The following FSTL5 variants were observed in gnomAD, a reference collection of about 807,000 sequenced individuals.
FSTL5 encodes the protein follistatin like 5, also known as follistatin-related protein 5.
Under a neutral mutation model 89.1 loss-of-function variants are expected in FSTL5, and 62 were observed. The observed-to-expected ratio is 0.70, with a 90% CI of 0.57 to 0.86. The LOEUF (loss-of-function observed/expected upper bound fraction) is 0.86, where lower values mean the gene tolerates loss of function less well. Ranked by LOEUF, FSTL5 falls within the 40% of genes least tolerant of loss-of-function variation. The pLI, the probability that FSTL5 is intolerant of heterozygous loss-of-function variation, is 0.00. For synonymous variants in FSTL5, 383 were observed against 346.2 expected (o/e 1.11, Z -1.18); for missense variants, 1,057 against 1,001.6 (o/e 1.06, Z -0.75).
intron 6 of FSTL5, among the ~76,000 whole-genome samples, chr4:161,699,462 T>C (rs1738298173): frequency 6.6e-6 from 1 of 152,178 alleles, no homozygotes; most frequent in East Asian, 1.9e-4. Context: ...GCGACTTCCA[T>C]TCCTTGTATT....
At chr4:161,718,254 G>C (rs28436266) in intron 6 of FSTL5, among the ~76,000 whole-genome samples, 28,850 of 152,078 alleles carry the variant, frequency 0.19, 2,882 homozygotes, top group Middle Eastern at 0.28. Context: ...TGAAGTCTAA[G>C]AGATAGCTTT....
intron 2 of FSTL5, among the ~76,000 whole-genome samples, chr4:162,096,314 C>G (rs940895691): frequency 9.9e-5 from 15 of 151,694 alleles, no homozygotes; most frequent in African/African-American, 3.4e-4. Flanking sequence ...ATCCTAAGAC[C>G]AATCATCCAA....
chr4:161,480,110 T>C (rs553005117), intron 13 of FSTL5, among the ~76,000 whole-genome samples: 1 of 152,300 alleles, frequency 6.6e-6, no homozygotes, highest in Non-Finnish European at 1.5e-5. Context: ...GAAAACATTC[T>C]CTGTAAATGA....
intron 2 of FSTL5, chr4:162,042,141 A>C (rs1050163188): frequency 1.3e-5 from 2 of 151,590 alleles, no homozygotes; most frequent in Admixed American, 6.6e-5. Flanking sequence ...TAAGAGCAAA[A>C]CTTCATCTCA....
chr4:161,780,913 C>A (rs983193099), intron 4 of FSTL5, among the ~76,000 whole-genome samples: 1 of 152,084 alleles, frequency 6.6e-6, no homozygotes, highest in African/African-American at 2.4e-5. Context: ...TAAAAAGTAC[C>A]AATTCCCTTC....
rs150036985 is a variant in FSTL5 at position 162,130,684 on chromosome 4, C to T, written c.-16-19272G>A. ...TTCTGAGTGATTACCTTATTTGAGG[C>T]TCTATATTACATAGCTTATATGAAT... On this transcript the variant is annotated intron_variant, in intron 1 of 15. Coordinates refer to ENST00000306100, the MANE Select transcript of FSTL5 (RefSeq NM_020116.5). Among the ~76,000 whole-genome samples, 194 of 152,080 alleles carry T rather than the reference C, an allele frequency of 1.3e-3. 1 individual carries two copies. Among genetic ancestry groups the T allele is most frequent in the African/African-American group, 4.4e-3 (181 of 41,480 alleles).
intron 3 of FSTL5, among the ~76,000 whole-genome samples, chr4:161,964,433 A>C (rs1438185913): frequency 2.0e-5 from 3 of 152,072 alleles, no homozygotes; most frequent in African/African-American, 7.2e-5. Context: ...TCCTTTCAAA[A>C]TCACATAGTG....
chr4:161,581,565 G>T (rs34837397), intron 8 of FSTL5, among the ~76,000 whole-genome samples: 25,205 of 152,136 alleles, frequency 0.17, 2,188 homozygotes, highest in South Asian at 0.22. Context: ...TGTTGCCCCA[G>T]ACTTAAGCTG....
intron 8 of FSTL5, among the ~76,000 whole-genome samples, chr4:161,583,343 T>C (rs909242014): frequency 6.6e-5 from 10 of 152,186 alleles, no homozygotes; most frequent in Admixed American, 6.6e-4. Context: ...GGGTAGAAAC[T>C]GTGTGCTAAT....
At chr4:161,424,092 T>C (rs1463922508) in intron 15 of FSTL5, among the ~76,000 whole-genome samples, 1 of 139,166 alleles carries the variant, frequency 7.2e-6, no homozygotes, top group Non-Finnish European at 1.5e-5. Context: ...TTGGCCAGGA[T>C]GGTCTCGATC....
intron 4 of FSTL5, among the ~76,000 whole-genome samples, chr4:161,854,488 T>A (rs1161215412): frequency 1.3e-5 from 2 of 152,156 alleles, no homozygotes; most frequent in Non-Finnish European, 2.9e-5. Context: ...ATTACATATA[T>A]CTTCACCAGC....
intron 3 of FSTL5, among the ~76,000 whole-genome samples, chr4:161,980,146 G>A (rs1735777759): frequency 7.4e-6 from 1 of 134,818 alleles, no homozygotes; most frequent in South Asian, 2.3e-4. Flanking sequence ...GAGAAAAGAA[G>A]GATAAAGATA....
intron 3 of FSTL5, among the ~76,000 whole-genome samples, chr4:161,967,094 T>C (rs1025284659): frequency 1.1e-4 from 17 of 150,240 alleles, no homozygotes; most frequent in African/African-American, 3.9e-4. Context: ...AAAAAAAAAC[T>C]GTTTCATAAA....
intron 10 of FSTL5, among the ~76,000 whole-genome samples, chr4:161,515,207 C>G (rs1441180178): frequency 2.0e-5 from 3 of 151,326 alleles, no homozygotes; most frequent in Non-Finnish European, 4.4e-5. Context: ...TTGTTTGTTT[C>G]TTTGTTTGTT....
intron 15 of FSTL5, among the ~76,000 whole-genome samples, chr4:161,434,274 T>A (rs1732480539): frequency 6.6e-6 from 1 of 152,074 alleles, no homozygotes; most frequent in South Asian, 2.1e-4. Flanking sequence ...AAAGTCATTT[T>A]CAACAAAGGT....
At position 162,106,507 on chromosome 4, in the gene FSTL5, C is replaced by T. The variant is rs148506272; in HGVS notation, c.126+4764G>A. On this transcript the variant is annotated intron_variant, in intron 2 of 15. Coordinates refer to ENST00000306100, the MANE Select transcript of FSTL5 (RefSeq NM_020116.5). The stretch of plus-strand genomic sequence containing the variant: ...AACCAATTAGATACACGTTAATATG[C>T]TGAACTATTAATACATACATATTAC... Among the ~76,000 whole-genome samples, 22 of 152,216 alleles carry T rather than the reference C, an allele frequency of 1.4e-4. No homozygotes were observed. The East Asian group carries it at 2.7e-3, about 19-fold the overall frequency.
chr4:161,717,755 AT>A (rs1184611414), intron 6 of FSTL5, among the ~76,000 whole-genome samples: 1 of 152,216 alleles, frequency 6.6e-6, no homozygotes, highest in Non-Finnish European at 1.5e-5. Flanking sequence ...ATGAAATGAT[AT>A]TGTTAAATCA....
At chr4:161,919,005 G>A (rs778673962) in intron 4 of FSTL5, among the ~76,000 whole-genome samples, 11 of 151,976 alleles carry the variant, frequency 7.2e-5, no homozygotes, top group Non-Finnish European at 8.8e-5. Context: ...CCCTCAATTT[G>A]AGAATATGAT....
intron 4 of FSTL5, among the ~76,000 whole-genome samples, chr4:161,832,352 G>A (rs1266058142): frequency 6.6e-6 from 1 of 152,120 alleles, no homozygotes; most frequent in Non-Finnish European, 1.5e-5. Context: ...AGTAAGAAAT[G>A]TGTCTCTGCC....
Sources: gnomAD v4.1 joint callset for allele counts (sites outside exome capture counted in the v4.1 genomes callset) on GRCh38, gnomAD v4.1.1 for gene constraint, MANE v1.5 for transcripts, NCBI Gene and HGNC (gene_info 2026-07-23, HGNC 2026-07-21) for gene names.